Variants in SNCAIP observed in about 807,000 individuals in gnomAD.
SNCAIP encodes synuclein alpha interacting protein, also known as synphilin-1.
SNCAIP carries 43 observed loss-of-function variants against 86.7 expected under a neutral mutation model. The ratio of observed to expected loss-of-function variants is 0.50; its 90% CI spans 0.39 to 0.64. The LOEUF (loss-of-function observed/expected upper bound fraction) is 0.64. Among genes scored for constraint, SNCAIP ranks in the 30% least tolerant of loss-of-function variants. The probability of loss-of-function intolerance (pLI) is 0.00; values close to 1 mark genes in which losing one functional copy is unlikely to be tolerated. For synonymous variants in SNCAIP, 417 were observed against 427.2 expected (o/e 0.98, Z 0.29); for missense variants, 981 against 1,103.1 (o/e 0.89, Z 1.57).
chr5:122,367,209 G>A (rs944045698), intron 1 of SNCAIP, among the ~76,000 whole-genome samples: 40 of 151,954 alleles, frequency 2.6e-4, no homozygotes, highest in Admixed American at 2.6e-3. Flanking sequence ...GAAGAGAAGT[G>A]GACCAAGACT....
At chr5:122,328,004 A>G (rs1754467998) in intron 1 of SNCAIP, among the ~76,000 whole-genome samples, 1 of 152,164 alleles carries the variant, frequency 6.6e-6, no homozygotes, top group Non-Finnish European at 1.5e-5. Context: ...TAGGCAGAAA[A>G]TTTAGGGGAC....
intron 7 of SNCAIP, chr5:122,444,170 A>G: frequency 2.2e-6 from 1 of 461,964 alleles, no homozygotes; most frequent in Non-Finnish European, 4.3e-6. Flanking sequence ...AAATCCAGTT[A>G]CTAGAGCCCA....
intron 2 of SNCAIP, among the ~76,000 whole-genome samples, chr5:122,395,971 A>G (rs1561661297): frequency 6.6e-6 from 1 of 151,776 alleles, no homozygotes. Context: ...TCCCTTTTTC[A>G]CTGTCTCTGT....
chr5:122,406,278 T>G lies in SNCAIP; in HGVS notation c.130+2413T>G, dbSNP rs77660092. 1.6e-3 allele frequency among the ~76,000 whole-genome samples: 248 copies of G among 152,260 alleles called. 1 individual carries two copies. The highest frequency in any genetic ancestry group is 5.5e-3 in the African/African-American group (227 of 41,562). The stretch of plus-strand genomic sequence containing the variant: ...AGAAATAACCCTCCTCCCCCTGTCT[T>G]TCTTGTAAATCAGCCACATAGAAGG... On this transcript the variant is annotated intron_variant, in intron 3 of 10. Coordinates refer to ENST00000261368, the MANE Select transcript of SNCAIP (RefSeq NM_005460.4).
rs190663148 is a variant in SNCAIP, at chr5:122,333,400, C to T, written c.-47+21116C>T. Among the ~76,000 whole-genome samples the T allele has an allele frequency of 1.8e-4, 27 of 152,272 alleles. 1 individual carries two copies. The highest frequency in any genetic ancestry group is 6.0e-4 in the African/African-American group (25 of 41,532). The stretch of plus-strand genomic sequence containing the variant: ...AGTCCTGTCTCAGTTTATTGACTTC[C>T]GCTAGGTTTTACTACCGCCTGCCTT... On this transcript the variant is annotated intron_variant, in intron 1 of 10. Transcript: ENST00000261368.
intron 8 of SNCAIP, among the ~76,000 whole-genome samples, chr5:122,446,064 G>C (rs1032831721): frequency 3.3e-5 from 5 of 152,098 alleles, no homozygotes; most frequent in African/African-American, 1.2e-4. Flanking sequence ...AGTTAGGTGA[G>C]CTAGGTAAAC....
At chr5:122,407,655 G>A (rs898531485) in intron 3 of SNCAIP, among the ~76,000 whole-genome samples, 14 of 152,176 alleles carry the variant, frequency 9.2e-5, no homozygotes, top group Non-Finnish European at 1.9e-4. Context: ...ACTGATGAAT[G>A]TGGATAAAAG....
intron 1 of SNCAIP, among the ~76,000 whole-genome samples, chr5:122,375,864 T>C (rs1765205124): frequency 6.6e-6 from 1 of 152,112 alleles, no homozygotes; most frequent in Admixed American, 6.6e-5. Flanking sequence ...ATGAATCCTG[T>C]ATAATGAAGT....
intron 6 of SNCAIP, among the ~76,000 whole-genome samples, chr5:122,439,657 A>G (rs1274152774): frequency 6.6e-6 from 1 of 151,746 alleles, no homozygotes. Context: ...AAACAACTGG[A>G]AAAAAAAATC....
intron 3 of SNCAIP, 151 bp from the exon 4 acceptor site, chr5:122,422,717 T>TG (rs1649350743): frequency 1.6e-6 from 1 of 636,532 alleles, no homozygotes; most frequent in South Asian, 2.0e-5. Flanking sequence ...TAAGTATGAT[T>TG]TTTTTTGTTC....
At chr5:122,342,368 G>A (rs970611608) in intron 1 of SNCAIP, among the ~76,000 whole-genome samples, 20 of 152,000 alleles carry the variant, frequency 1.3e-4, no homozygotes, top group Non-Finnish European at 2.8e-4. Flanking sequence ...ATGTCCACAG[G>A]AATTACCACT....
At chr5:122,328,523 T>C (rs1754593995) in intron 1 of SNCAIP, among the ~76,000 whole-genome samples, 1 of 152,240 alleles carries the variant, frequency 6.6e-6, no homozygotes, top group Admixed American at 6.5e-5. Flanking sequence ...GGCTTACTTA[T>C]TTGTTAAATT....
At chr5:122,410,835 C>CA (rs1561696798) in intron 3 of SNCAIP, among the ~76,000 whole-genome samples, 1 of 152,054 alleles carries the variant, frequency 6.6e-6, no homozygotes, top group African/African-American at 2.4e-5. Flanking sequence ...AACAAACAAA[C>CA]AAAAAAAGAA....
intron 2 of SNCAIP, among the ~76,000 whole-genome samples, chr5:122,400,401 T>C (rs949542955): frequency 6.6e-6 from 1 of 152,242 alleles, no homozygotes; most frequent in African/African-American, 2.4e-5. Flanking sequence ...GTCTATAATA[T>C]TATGCCCAGG....
intron 1 of SNCAIP, among the ~76,000 whole-genome samples, chr5:122,372,748 G>A (rs767288525): frequency 1.1e-4 from 17 of 151,900 alleles, no homozygotes; most frequent in Non-Finnish European, 1.8e-4. Flanking sequence ...ATATTTGCTC[G>A]TGGACATAAT....
At chr5:122,419,242 G>A (rs114587449) in intron 3 of SNCAIP, among the ~76,000 whole-genome samples, 2,121 of 152,266 alleles carry the variant, frequency 0.014, 58 homozygotes, top group African/African-American at 0.047. Context: ...GGAGAGAGAT[G>A]AGGCATTTGG....
chr5:122,460,997 C>A (rs1213522194), intron 10 of SNCAIP, among the ~76,000 whole-genome samples: 1 of 152,170 alleles, frequency 6.6e-6, no homozygotes, highest in Non-Finnish European at 1.5e-5. Flanking sequence ...CCTGTCTTTT[C>A]CTTTCTATTT....
chr5:122,404,305 A>C (rs919171823), intron 3 of SNCAIP, among the ~76,000 whole-genome samples: 1 of 152,228 alleles, frequency 6.6e-6, no homozygotes, highest in Non-Finnish European at 1.5e-5. Flanking sequence ...ATGCGACATG[A>C]TAGAATCTGC....
At chr5:122,457,429 G>A (rs1427218103) in intron 10 of SNCAIP, among the ~76,000 whole-genome samples, 1 of 152,162 alleles carries the variant, frequency 6.6e-6, no homozygotes, top group East Asian at 1.9e-4. Flanking sequence ...CTGAAGTTGG[G>A]TGATTGCCTC....
Sources: gnomAD v4.1 joint callset for allele counts (sites outside exome capture counted in the v4.1 genomes callset) on GRCh38, gnomAD v4.1.1 for gene constraint, MANE v1.5 for transcripts, NCBI Gene and HGNC (gene_info 2026-07-23, HGNC 2026-07-21) for gene names.